The following COL21A1 variants were observed in gnomAD, a reference collection of about 807,000 sequenced individuals.
COL21A1 encodes the protein collagen type XXI alpha 1 chain, also known as collagen alpha-1(XXI) chain.
A neutral mutation model predicts 137.9 loss-of-function variants in COL21A1; 149 were observed. The ratio of observed to expected loss-of-function variants is 1.08; its 90% confidence interval spans 0.95 to 1.24. COL21A1 has a LOEUF of 1.24. Ranked by LOEUF, COL21A1 falls within the 50% of genes most tolerant of loss-of-function variation. The pLI, the probability that COL21A1 is intolerant of heterozygous loss-of-function variation, is 0.00. For missense variants in COL21A1, 1,167 were observed against 1,158.4 expected (o/e 1.01, Z -0.11); for synonymous variants, 456 against 391.5 (o/e 1.16, Z -1.95).
At chr6:56,072,891 T>A (rs1351120048) in intron 20 of COL21A1, among the ~76,000 whole-genome samples, 1 of 150,968 alleles carries the variant, frequency 6.6e-6, no homozygotes, top group Non-Finnish European at 1.5e-5. Flanking sequence ...AAAATAATTG[T>A]ACAAGCACAA....
intron 1 of COL21A1, among the ~76,000 whole-genome samples, chr6:56,337,713 A>T (rs1765361780): frequency 6.6e-6 from 1 of 152,200 alleles, no homozygotes; most frequent in Admixed American, 6.5e-5. Context: ...GAATACAAAC[A>T]TGAAAAGCTT....
intron 29 of COL21A1, 147 bp from the exon 30 acceptor site, chr6:56,057,991 A>G: frequency 1.8e-6 from 1 of 552,710 alleles, no homozygotes; most frequent in Non-Finnish European, 3.0e-6. Flanking sequence ...CATTTTCTTG[A>G]TAATTCTACA....
chr6:56,151,174 C>G (rs985828331), intron 10 of COL21A1, among the ~76,000 whole-genome samples: 1 of 152,066 alleles, frequency 6.6e-6, no homozygotes, highest in Non-Finnish European at 1.5e-5. Flanking sequence ...TGCAGTGAGC[C>G]GAGATCGCTC....
chr6:56,125,507 TTC>T, intron 14 of COL21A1, 58 bp downstream of exon 14: 1 of 1,228,150 alleles, frequency 8.1e-7, no homozygotes, highest in Non-Finnish European at 1.2e-6. Flanking sequence ...AATTCTAGTT[TTC>T]TGTTTCCATT....
At chr6:56,259,039 G>T (rs1361371152) in intron 1 of COL21A1, among the ~76,000 whole-genome samples, 1 of 152,074 alleles carries the variant, frequency 6.6e-6, no homozygotes, top group Non-Finnish European at 1.5e-5. Flanking sequence ...AAACTTATTT[G>T]CACTCCCCCT....
intron 17 of COL21A1, among the ~76,000 whole-genome samples, chr6:56,083,021 AT>A (rs1474214210): frequency 1.3e-5 from 2 of 151,936 alleles, no homozygotes; most frequent in African/African-American, 4.8e-5. Flanking sequence ...AGTAAAAAAA[AT>A]TAAATATGTT....
At chr6:56,250,468 C>G (rs1402786420), upstream of COL21A1, among the ~76,000 whole-genome samples, 3 of 152,170 alleles carry the variant, frequency 2.0e-5, no homozygotes, top group Admixed American at 6.5e-5. Flanking sequence ...CCTCTAGGAT[C>G]TGAGAACCAT....
chr6:56,375,966 T>C (rs1458624041), intron 1 of COL21A1, among the ~76,000 whole-genome samples: 9 of 152,142 alleles, frequency 5.9e-5, no homozygotes, highest in Non-Finnish European at 1.0e-4. Flanking sequence ...ATGTTGGAAG[T>C]AAATAAAACT....
intron 1 of COL21A1, among the ~76,000 whole-genome samples, chr6:56,349,708 A>G (rs957936559): frequency 6.6e-6 from 1 of 152,166 alleles, no homozygotes; most frequent in Non-Finnish European, 1.5e-5. Context: ...AATCATTTCT[A>G]TTTCTTCTTT....
At position 56,283,903 on chromosome 6, in the gene COL21A1, C is replaced by CT. The variant is rs930154405; in HGVS notation, c.-38-101248dup. On this transcript the variant is annotated intron_variant, in intron 1 of 28. Coordinates refer to the COL21A1 transcript ENST00000370819. Reference sequence around the variant, plus strand: ...TCTCTCTCTCTCTCTCTCTCTCTCTCTCCAGCAGTAGAGCAATCAAACAGT... The same window carrying CT: ...TCTCTCTCTCTCTCTCTCTCTCTCTCTTCCAGCAGTAGAGCAATCAAACAGT... Among the ~76,000 whole-genome samples, 83 of 151,980 alleles carry CT rather than the reference C, an allele frequency of 5.5e-4. 2 individuals are homozygous for CT. In the East Asian group the frequency reaches 0.01, roughly 18 times the overall value.
intron 1 of COL21A1, among the ~76,000 whole-genome samples, chr6:56,282,241 A>T (rs1763802488): frequency 6.6e-6 from 1 of 152,190 alleles, no homozygotes; most frequent in Non-Finnish European, 1.5e-5. Context: ...TTTCAATAGA[A>T]TTCTAAAGAA....
In COL21A1 at chr6:56,182,661, G is replaced by A. The variant is rs1246960208; in HGVS notation, c.-38-5C>T. ...AATATTTTGGTTTTAGGATTCCTAG[G>A]GGGAAAAAAAAGGCAAGTTAAATAT... On this transcript the variant is annotated splice_region_variant and splice_polypyrimidine_tract_variant and intron_variant, in intron 1 of 29. Coordinates refer to ENST00000244728, the MANE Select transcript of COL21A1 (RefSeq NM_030820.4). 1.5e-6 allele frequency: 2 copies of A among 1,344,564 alleles called. No individual in the cohort carries two copies. The highest frequency in any genetic ancestry group is 2.1e-6 in the Non-Finnish European group (2 of 962,944). 83.3% of individuals were successfully genotyped at this position (1,344,564 alleles called of 1,614,324 possible). A position where few individuals can be genotyped will look rare whatever the true frequency, so the allele number is the denominator to read the frequency against.
chr6:56,243,324 A>C (rs1003078742), intron 1 of COL21A1, among the ~76,000 whole-genome samples: 6 of 152,198 alleles, frequency 3.9e-5, no homozygotes, highest in African/African-American at 1.4e-4. Flanking sequence ...GTGATTCCCT[A>C]GGTGTGGTCT....
At chr6:56,065,065 T>TAA (rs5876487) in intron 23 of COL21A1, among the ~76,000 whole-genome samples, 11 of 150,738 alleles carry the variant, frequency 7.3e-5, no homozygotes, top group East Asian at 3.9e-4. Flanking sequence ...CACATTTTAG[T>TAA]AAAAAAAAAG....
At chr6:56,167,207 C>T (rs1350207409) in intron 6 of COL21A1, among the ~76,000 whole-genome samples, 1 of 152,178 alleles carries the variant, frequency 6.6e-6, no homozygotes. Context: ...AAGAGCAAAT[C>T]GATTTTCTTC....
At chr6:56,230,362 A>G (rs988327676) in intron 1 of COL21A1, among the ~76,000 whole-genome samples, 1 of 151,888 alleles carries the variant, frequency 6.6e-6, no homozygotes, top group African/African-American at 2.4e-5. Flanking sequence ...AAGCAAACTC[A>G]ATGTTTAGCA....
At chr6:56,203,922 C>T (rs890746171) in intron 1 of COL21A1, among the ~76,000 whole-genome samples, 1 of 152,122 alleles carries the variant, frequency 6.6e-6, no homozygotes, top group Non-Finnish European at 1.5e-5. Context: ...ATGGGAGGAA[C>T]GGTGCACTCT....
At chr6:56,078,455 T>G (rs1265058537) in intron 17 of COL21A1, among the ~76,000 whole-genome samples, 5 of 151,610 alleles carry the variant, frequency 3.3e-5, no homozygotes, top group Non-Finnish European at 7.4e-5. Flanking sequence ...ACAAGAAAAT[T>G]GGGTCACATC....
chr6:56,089,524 T>C (rs2114195919), intron 17 of COL21A1, among the ~76,000 whole-genome samples: 1 of 152,286 alleles, frequency 6.6e-6, no homozygotes, highest in South Asian at 2.1e-4. Flanking sequence ...CAAAAAAATT[T>C]TTCACTATAT....
Sources: allele counts gnomAD v4.1 joint callset (sites outside exome capture counted in the v4.1 genomes callset), GRCh38; gene constraint gnomAD v4.1.1; transcripts MANE v1.5; gene names NCBI Gene and HGNC (gene_info 2026-07-23, HGNC 2026-07-21).